TP53BP1: variants seen among roughly 807,000 people sequenced by gnomAD.
The protein encoded by TP53BP1 is TP53-binding protein 1.
Under a neutral mutation model 200.8 loss-of-function variants are expected in TP53BP1, and 61 were observed. That is an observed-to-expected ratio of 0.30 (90% confidence interval 0.25 to 0.38). The LOEUF is 0.38. TP53BP1 is among the 10% of genes least tolerant of loss of function. The pLI is 1.00. For synonymous variants in TP53BP1, 822 were observed against 844.3 expected, an observed-to-expected ratio of 0.97 and a Z score of 0.46; for missense variants, 2,144 against 2,371.9, an observed-to-expected ratio of 0.90 and a Z score of 2.00.
chr15:43,462,990 G>C (rs1339917183), intron 11 of TP53BP1, among the ~76,000 whole-genome samples: 1 of 152,138 alleles, frequency 6.6e-6, no homozygotes, highest in Admixed American at 6.6e-5. Flanking sequence ...TCAGGAGGAG[G>C]AGGTTGCAGT....
intron 7 of TP53BP1, among the ~76,000 whole-genome samples, chr15:43,478,283 C>A (rs2078912991): frequency 6.6e-6 from 1 of 152,166 alleles, no homozygotes; most frequent in Non-Finnish European, 1.5e-5. Context: ...TCATCCCTGG[C>A]CCCTTTCCAG....
At chr15:43,434,783 A>G (rs1380058619) in intron 16 of TP53BP1, among the ~76,000 whole-genome samples, 1 of 152,240 alleles carries the variant, frequency 6.6e-6, no homozygotes, top group East Asian at 1.9e-4. Context: ...TTGTTGCAGC[A>G]GCCCAAAGAG....
At position 43,404,976 on chromosome 15, in the gene TP53BP1, T is replaced by C; in HGVS notation, c.*2407A>G. The C allele has an allele frequency of 3.6e-6, 2 of 551,570 alleles. No homozygotes were observed. The highest frequency in any genetic ancestry group is 5.3e-5 in the South Asian group (2 of 37,694). 34.2% of individuals were successfully genotyped at this position (551,570 alleles called of 1,614,324 possible). On this transcript the variant is annotated 3_prime_UTR_variant, in exon 28 of 28. Transcript: ENST00000382044. ...ATACCGAGATTCAGTGGTAGCTGGC[T>C]TCCCAGAGGTCTGTCATTCCCATTC...
At chr15:43,450,248 C>CT (rs2046135600) in intron 12 of TP53BP1, among the ~76,000 whole-genome samples, 1 of 152,188 alleles carries the variant, frequency 6.6e-6, no homozygotes, top group Non-Finnish European at 1.5e-5. Flanking sequence ...ATTTAAAACT[C>CT]TAAATGTTAA....
intron 1 of TP53BP1, among the ~76,000 whole-genome samples, chr15:43,508,478 A>C (rs1025454632): frequency 2.6e-5 from 4 of 152,198 alleles, no homozygotes; most frequent in African/African-American, 9.7e-5. Flanking sequence ...TGCAACACAC[A>C]AAGACCCTGT....
At chr15:43,421,825 GCTCT>G (rs749317244) in intron 19 of TP53BP1, 26 bp downstream of exon 19, 41 of 1,609,326 alleles carry the variant, frequency 2.5e-5, no homozygotes, top group Non-Finnish European at 3.4e-5. Context: ...CCCTGCTGTG[GCTCT>G]CTCTCTCTGG....
At position 43,479,990 on chromosome 15, in the gene TP53BP1, C is replaced by G. The variant is rs769052967; in HGVS notation, c.527G>C (p.Gly176Ala). ...EDTASSQLGF[G>A]VLELSQSQDV... is the part of the protein sequence containing the mutation. ...CTGGCTCTGGGAGAGTTCCAGAACCCCAAAACCCAACTGTGATGAGGCAGT... is the reference window on the plus strand; with the variant it reads ...CTGGCTCTGGGAGAGTTCCAGAACCGCAAAACCCAACTGTGATGAGGCAGT... The change falls in exon 6 of 28, where the codon GGG (glycine) becomes GCG (alanine). Residue 176 changes from glycine (G) to alanine (A), a missense_variant. Gly to Ala is a moderately conservative substitution (Grantham distance 60). Transcript: ENST00000382044. 1.2e-6 allele frequency: 2 copies of G among 1,614,014 alleles called. No homozygotes were observed. The highest frequency in any genetic ancestry group is 3.3e-5 in the Admixed American group (2 of 59,984).
chr15:43,450,761 C>T (rs2046147312), intron 12 of TP53BP1, among the ~76,000 whole-genome samples: 1 of 152,252 alleles, frequency 6.6e-6, no homozygotes, highest in Admixed American at 6.5e-5. Context: ...CTCTCTCTCC[C>T]TCTCTGTACT....
chr15:43,438,947 G>A (rs1205852588), intron 15 of TP53BP1, among the ~76,000 whole-genome samples: 1 of 151,972 alleles, frequency 6.6e-6, no homozygotes, highest in African/African-American at 2.4e-5. Flanking sequence ...ATAGTAATAC[G>A]GTTAAGTTTA....
chr15:43,408,760 T>C lies in TP53BP1; in HGVS notation c.5600+137A>G, dbSNP rs2045013288. 1.1e-5 allele frequency: 9 copies of C among 809,428 alleles called. No homozygotes were observed. The East Asian group carries it at 2.4e-4, about 22-fold the overall frequency. 50.1% of individuals were successfully genotyped at this position (809,428 alleles called of 1,614,324 possible). On this transcript the variant is annotated intron_variant, in intron 26 of 27. Transcript: ENST00000382044. ...AAATAAACTAGATAAACTCCTGAAG[T>C]CATTTCAAACCCACTCAAATTTATC...
At chr15:43,410,045 C>T (rs1212143961) in intron 24 of TP53BP1, among the ~76,000 whole-genome samples, 1 of 152,218 alleles carries the variant, frequency 6.6e-6, no homozygotes, top group Non-Finnish European at 1.5e-5. Flanking sequence ...AATCATTTCC[C>T]ACAGTGACAT....
In TP53BP1 at chr15:43,475,645, A is replaced by G; in HGVS notation, c.1005T>C (p.Ser335=). The G allele has an allele frequency of 1.2e-6, 2 of 1,614,110 alleles. No homozygotes were observed. Among genetic ancestry groups the G allele is most frequent in the Non-Finnish European group, 1.7e-6 (2 of 1,180,032 alleles). The change falls in exon 9 of 28, where the codon TCT becomes TCC. Residue 335 remains serine, a synonymous_variant. Coordinates refer to ENST00000382044, the MANE Select transcript of TP53BP1 (RefSeq NM_001141980.3). The part of the protein sequence containing the change: ...STPSREEGGC[S]LASTPATTLH... ...GAGTGGTGGCAGGAGTGGAAGCCAA[A>G]GAACACCCACCTTCCTCCCTTGAAG...
intron 11 of TP53BP1, among the ~76,000 whole-genome samples, chr15:43,466,965 C>G (rs1483500348): frequency 6.6e-6 from 1 of 151,974 alleles, no homozygotes; most frequent in Non-Finnish European, 1.5e-5. Context: ...GAGGAAGAGG[C>G]CTTGTTTTAA....
Position 43,404,284 on chromosome 15 carries a change from G to A in TP53BP1, c.*3099C>T. ...TAGGAACTAATAGAAATAGGAATGT[G>A]GGAAGGCCAGGTGGTTCTGTAGAAT... On this transcript the variant is annotated 3_prime_UTR_variant, in exon 28 of 28. Transcript: ENST00000382044. The A allele has an allele frequency of 9.2e-7, 1 of 1,082,998 alleles. No homozygotes were observed. 67.1% of individuals were successfully genotyped at this position (1,082,998 alleles called of 1,614,324 possible).
chr15:43,464,247 G>A (rs1398965742), intron 11 of TP53BP1, among the ~76,000 whole-genome samples: 1 of 152,286 alleles, frequency 6.6e-6, no homozygotes, highest in East Asian at 1.9e-4. Context: ...CCACCTGGAA[G>A]AAATAGGACT....
rs750921505 is a variant in TP53BP1, at chr15:43,447,482, G to A, written c.2720C>T (p.Thr907Ile). 7 of 1,122,116 alleles carry A rather than the reference G, an allele frequency of 6.2e-6. No homozygotes were observed. The East Asian group carries it at 1.6e-4, about 26-fold the overall frequency. 69.5% of individuals were successfully genotyped at this position (1,122,116 alleles called of 1,614,324 possible). The change falls in exon 13 of 28, where the codon ACC becomes ATC. Residue 907 changes from threonine to isoleucine, a missense_variant. Coordinates refer to ENST00000382044, the MANE Select transcript of TP53BP1 (RefSeq NM_001141980.3). ...SQSFCESSSETPFHFTLPKEG... is the reference protein window; with the variant it reads ...SQSFCESSSEIPFHFTLPKEG... ...TTTAGGCAAAGTGAAATGAAATGGG[G>A]TTTCTGAAAAAAAAAAAAAAAAGAA...
At chr15:43,458,604 A>C (rs1367796316) in intron 11 of TP53BP1, among the ~76,000 whole-genome samples, 1 of 151,852 alleles carries the variant, frequency 6.6e-6, no homozygotes, top group Non-Finnish European at 1.5e-5. Flanking sequence ...ACATGGCTAC[A>C]CCCCATGTCT....
At chr15:43,430,029 G>GGTA (rs1216354765) in intron 17 of TP53BP1, among the ~76,000 whole-genome samples, 11 of 152,292 alleles carry the variant, frequency 7.2e-5, no homozygotes, top group Middle Eastern at 3.4e-3. Flanking sequence ...AGAATAAGGA[G>GGTA]AAAAGGTAAA....
chr15:43,493,180 A>G (rs1346242011), upstream of TP53BP1: 6 of 1,492,070 alleles, frequency 4.0e-6, no homozygotes, highest in South Asian at 1.3e-5. Context: ...ACGTCACACA[A>G]TATCGGATCG....
Sources: gnomAD v4.1 joint callset for allele counts (sites outside exome capture counted in the v4.1 genomes callset) on GRCh38, gnomAD v4.1.1 for gene constraint, MANE v1.5 for transcripts, NCBI Gene and HGNC (gene_info 2026-07-23, HGNC 2026-07-21) for gene names.